KLHL25: variants seen among roughly 807,000 people sequenced by gnomAD.
The protein encoded by KLHL25 is kelch-like protein 25.
A neutral mutation model predicts 30.0 loss-of-function variants in KLHL25; 41 were observed. The ratio of observed to expected loss-of-function variants is 1.37; its 90% CI spans 1.07 to 1.78. The LOEUF is 1.78. Ranked by LOEUF, KLHL25 falls within the 40% of genes most tolerant of loss-of-function variation. KLHL25 has a pLI of 0.00. For synonymous variants in KLHL25, 399 were observed against 355.3 expected (o/e 1.12, Z -1.38); for missense variants, 971 against 824.5 (o/e 1.18, Z -2.18).
chr15:85,774,982 T>A (rs888361130), intron 1 of KLHL25, among the ~76,000 whole-genome samples: 5 of 151,176 alleles, frequency 3.3e-5, no homozygotes, highest in African/African-American at 1.2e-4. Context: ...GTTCAAGCAA[T>A]TCTCCTGCCT....
intron 1 of KLHL25, among the ~76,000 whole-genome samples, chr15:85,793,219 G>C (rs1163349271): frequency 2.6e-5 from 4 of 152,140 alleles, no homozygotes; most frequent in African/African-American, 9.7e-5. Flanking sequence ...TTCCGATGTG[G>C]AGCATGCAAT....
Position 85,789,065 on chromosome 15 carries a change from T to C in KLHL25, c.-11+5701A>G, listed in dbSNP as rs2089799411. ...CTTATCTTAATTAGGAAATTAATTC[T>C]GCTCAGCCTAGATGGATCTGTGGTC... On this transcript the variant is annotated intron_variant, in intron 1 of 2. Transcript: ENST00000337975. The surrounding 1 kb of genome is among the most constrained non-coding windows in gnomAD (Gnocchi z 4.1). Among the ~76,000 whole-genome samples, 1 of 152,258 alleles carries C rather than the reference T, an allele frequency of 6.6e-6. No homozygotes were observed. The highest frequency in any genetic ancestry group is 6.5e-5 in the Admixed American group (1 of 15,288).
chr15:85,767,983 G>T, intron 2 of KLHL25, 34 bp downstream of exon 2: 2 of 1,416,904 alleles, frequency 1.4e-6, no homozygotes, highest in Non-Finnish European at 1.9e-6. Flanking sequence ...GACCTTTCCG[G>T]ACCCAGAGTG....
In KLHL25 at chr15:85,760,430, A is replaced by G. The variant is rs2089573947; in HGVS notation, c.*606T>C. ...TACAGCTTTGTGGAAGGGGCCCACA[A>G]ACCTTGGAGGTCTGGGTGTCCTTTG... On this transcript the variant is annotated 3_prime_UTR_variant, in exon 3 of 3. Transcript: ENST00000337975. 3 of 152,174 alleles carry G rather than the reference A, an allele frequency of 2.0e-5. No homozygotes were observed. The highest frequency in any genetic ancestry group is 6.5e-5 in the Admixed American group (1 of 15,284). The allele number at this position is 152,174 out of a possible 1,614,324, so 9.4% of individuals were successfully genotyped here. A position where few individuals can be genotyped will look rare whatever the true frequency, so the allele number is the denominator to read the frequency against.
chr15:85,780,705 G>C (rs1344143100), intron 1 of KLHL25, among the ~76,000 whole-genome samples: 1 of 152,222 alleles, frequency 6.6e-6, no homozygotes, highest in African/African-American at 2.4e-5. Context: ...GAATCAGAAT[G>C]AGAATGCCTC....
At chr15:85,773,955 C>T (rs994460874) in intron 1 of KLHL25, among the ~76,000 whole-genome samples, 1 of 152,116 alleles carries the variant, frequency 6.6e-6, no homozygotes, top group African/African-American at 2.4e-5. Flanking sequence ...ATGTGTCCCT[C>T]CACCCCTTCC....
intron 1 of KLHL25, among the ~76,000 whole-genome samples, chr15:85,782,980 C>G (rs763364820): frequency 1.8e-4 from 28 of 152,142 alleles, no homozygotes; most frequent in Non-Finnish European, 4.0e-4. Context: ...ACAATACCCA[C>G]GGGAGAAAGA....
At chr15:85,777,431 T>C (rs1440013041) in intron 1 of KLHL25, among the ~76,000 whole-genome samples, 1 of 152,018 alleles carries the variant, frequency 6.6e-6, no homozygotes, top group African/African-American at 2.4e-5. Context: ...TTGTGGACAA[T>C]GAATCAGAGG....
chr15:85,768,973 C>A lies in KLHL25; in HGVS notation c.838G>T (p.Asp280Tyr), dbSNP rs1340873035. 6.2e-7 allele frequency: 1 copy of A among 1,612,944 alleles called. No individual in the cohort carries two copies. The highest frequency in any genetic ancestry group is 1.3e-5 in the African/African-American group (1 of 74,952). ...LRCKTRILQNDGVVTSPCARP... is the reference protein window; with the variant it reads ...LRCKTRILQNYGVVTSPCARP... Reference sequence around the variant, plus strand: ...GCACAGGGGCTGGTGACCACGCCATCATTCTGCAGGATCCTGGTCTTGCAG... The same window carrying A: ...GCACAGGGGCTGGTGACCACGCCATAATTCTGCAGGATCCTGGTCTTGCAG... Residue 280 changes from aspartate to tyrosine, a missense_variant, in exon 2 of 3, where the codon GAT (aspartate) becomes TAT (tyrosine). Coordinates refer to ENST00000337975, the MANE Select transcript of KLHL25 (RefSeq NM_022480.4).
chr15:85,761,693 G>C (rs971967159), intron 2 of KLHL25: 1 of 152,232 alleles, frequency 6.6e-6, no homozygotes, highest in African/African-American at 2.4e-5. Context: ...ATACCACTCC[G>C]AGGCCCTGAA....
At chr15:85,772,800 C>A (rs538002621) in intron 1 of KLHL25, among the ~76,000 whole-genome samples, 2 of 152,094 alleles carry the variant, frequency 1.3e-5, no homozygotes, top group Admixed American at 6.5e-5. Context: ...CCAGAGCTGA[C>A]AGATACCCTG....
rs749343375 is a variant in KLHL25, at chr15:85,768,581, G to A, written c.1230C>T (p.Ser410=). The A allele has an allele frequency of 1.1e-5, 18 of 1,611,834 alleles. No homozygotes were observed. Among genetic ancestry groups the A allele is most frequent in the African/African-American group, 1.1e-4 (8 of 74,896 alleles). Residue 410 remains serine (S), a synonymous_variant, in exon 2 of 3, where the codon TCC becomes TCT. Coordinates refer to ENST00000337975, the MANE Select transcript of KLHL25 (RefSeq NM_022480.4). ...AGVFPASPSV[S]LKQVEKYDPG... is the part of the protein sequence containing the mutation. ...GGTCGTATTTCTCCACTTGTTTCAG[G>A]GAGACAGAAGGCGAGGCCGGGAAGA...
rs142055000 is a variant in KLHL25, at chr15:85,788,672, G to A, written c.-11+6094C>T. On this transcript the variant is annotated intron_variant, in intron 1 of 2. Coordinates refer to ENST00000337975, the MANE Select transcript of KLHL25 (RefSeq NM_022480.4). ...CGCCTGTCTGCCTCCCACATCAGAC[G>A]CTGAGCTCCCAAGCAGGAGCTCTTT... Among the ~76,000 whole-genome samples, 26 of 152,270 alleles carry A rather than the reference G, an allele frequency of 1.7e-4. No individual in the cohort carries two copies. In the East Asian group the frequency reaches 4.2e-3, roughly 25 times the overall value.
intron 1 of KLHL25, among the ~76,000 whole-genome samples, chr15:85,790,151 G>A (rs1042396356): frequency 1.3e-5 from 2 of 152,152 alleles, no homozygotes; most frequent in African/African-American, 4.8e-5. Flanking sequence ...GTGCAATGGT[G>A]CAATCTCGGC....
intron 1 of KLHL25, among the ~76,000 whole-genome samples, chr15:85,794,075 G>A (rs2089834929): frequency 6.6e-6 from 1 of 152,216 alleles, no homozygotes; most frequent in South Asian, 2.1e-4. Context: ...AACATCGCGC[G>A]GTGTGTCTCG....
intron 1 of KLHL25, among the ~76,000 whole-genome samples, chr15:85,774,952 C>A (rs2089700463): frequency 1.3e-5 from 2 of 151,428 alleles, no homozygotes; most frequent in South Asian, 4.2e-4. Context: ...TCTCAGCTCA[C>A]TGCAACCTCC....
chr15:85,787,257 G>A (rs924880686), intron 1 of KLHL25, among the ~76,000 whole-genome samples: 7 of 152,168 alleles, frequency 4.6e-5, no homozygotes, highest in Non-Finnish European at 1.0e-4. Context: ...GACCAGCCTG[G>A]CCAACATGGA....
chr15:85,763,681 G>A (rs2089598658), intron 2 of KLHL25: 1 of 152,282 alleles, frequency 6.6e-6, no homozygotes, highest in Admixed American at 6.5e-5. Context: ...AGGATGGATG[G>A]AAAGGGGCCT....
chr15:85,779,064 T>A (rs1420293340), intron 1 of KLHL25, among the ~76,000 whole-genome samples: 6 of 150,790 alleles, frequency 4.0e-5, no homozygotes, highest in South Asian at 4.2e-4. Flanking sequence ...TTTTTTTTTT[T>A]AAAGAGAAGC....
Sources: gnomAD v4.1 joint callset for allele counts (sites outside exome capture counted in the v4.1 genomes callset) on GRCh38, gnomAD v4.1.1 for gene constraint, Gnocchi (gnomAD v3.1) non-coding constraint, MANE v1.5 for transcripts, NCBI Gene and HGNC (gene_info 2026-07-23, HGNC 2026-07-21) for gene names.